Variants in KCNMA1 observed in about 807,000 individuals in gnomAD.
The protein encoded by KCNMA1 is Calcium-activated potassium channel subunit alpha-1.
Under a neutral mutation model 140.0 loss-of-function variants are expected in KCNMA1, and 29 were observed. That is an observed-to-expected ratio of 0.21 (90% confidence interval 0.15 to 0.28). The LOEUF (loss-of-function observed/expected upper bound fraction) is 0.28, where lower values mean the gene tolerates loss of function less well. Ranked by LOEUF, KCNMA1 falls within the 10% of genes least tolerant of loss-of-function variation. The probability of loss-of-function intolerance (pLI) is 1.00; values close to 1 mark genes in which losing one functional copy is unlikely to be tolerated. For synonymous variants in KCNMA1, 612 were observed against 611.9 expected, an observed-to-expected ratio of 1.00 and a Z score of 0.00; for missense variants, 880 against 1,602.2, an observed-to-expected ratio of 0.55 and a Z score of 7.70.
intron 1 of KCNMA1, chr10:77,634,859 T>C (rs2154571676): frequency 6.3e-6 from 1 of 159,760 alleles, no homozygotes; most frequent in Admixed American, 6.6e-5. Context: ...AGAAAAGCTT[T>C]TAAAAGGCCT....
At chr10:77,610,901 AT>A (rs1390727233) in intron 1 of KCNMA1, among the ~76,000 whole-genome samples, 2 of 152,256 alleles carry the variant, frequency 1.3e-5, no homozygotes, top group Non-Finnish European at 2.9e-5. Flanking sequence ...AAAAGCACTT[AT>A]TGAAAAATGC....
At chr10:77,125,539 C>T (rs918652757) in intron 5 of KCNMA1, among the ~76,000 whole-genome samples, 3 of 152,190 alleles carry the variant, frequency 2.0e-5, no homozygotes, top group African/African-American at 7.2e-5. Context: ...GCGTGACTTT[C>T]CCTGGCTACC....
intron 2 of KCNMA1, among the ~76,000 whole-genome samples, chr10:77,334,502 T>C (rs2087987465): frequency 6.6e-6 from 1 of 152,206 alleles, no homozygotes; most frequent in Admixed American, 6.5e-5. Context: ...CATCATCTTC[T>C]TCATTACCAC....
chr10:76,879,331 C>T (rs964754813), intron 29 of KCNMA1, among the ~76,000 whole-genome samples: 1 of 152,122 alleles, frequency 6.6e-6, no homozygotes, highest in African/African-American at 2.4e-5. Flanking sequence ...CCTCTTGCCT[C>T]GTTCTCCCCA....
intron 14 of KCNMA1, 105 bp from the exon 15 acceptor site, chr10:77,039,742 T>C (rs2094540297): frequency 5.4e-6 from 4 of 741,986 alleles, no homozygotes; most frequent in Non-Finnish European, 9.7e-6. Flanking sequence ...ACTGGTTAGA[T>C]AATGGTGACC....
chr10:77,177,250 C>CTTCCTTTCTTCCTTCCTTCT (rs1277107136), intron 5 of KCNMA1, among the ~76,000 whole-genome samples: 5 of 151,828 alleles, frequency 3.3e-5, no homozygotes, highest in South Asian at 4.2e-4. Context: ...TTCTTCCTTC[C>CTTCCTTTCTTCCTTCCTTCT]TTCCTTTCTT....
chr10:77,362,655 A>G (rs2094071298), intron 2 of KCNMA1, among the ~76,000 whole-genome samples: 1 of 152,116 alleles, frequency 6.6e-6, no homozygotes, highest in African/African-American at 2.4e-5. Context: ...CCCGCCGTCC[A>G]GCTCACAGGA....
chr10:77,121,673 G>T (rs2097600453), intron 5 of KCNMA1, among the ~76,000 whole-genome samples: 1 of 151,882 alleles, frequency 6.6e-6, no homozygotes, highest in South Asian at 2.1e-4. Flanking sequence ...TAAATGGTTT[G>T]TCCTTTCTAA....
intron 3 of KCNMA1, among the ~76,000 whole-genome samples, chr10:77,244,069 G>A (rs1266646026): frequency 2.6e-5 from 4 of 152,186 alleles, no homozygotes; most frequent in Non-Finnish European, 5.9e-5. Context: ...TATATACTTT[G>A]CTATTCAATG....
intron 2 of KCNMA1, among the ~76,000 whole-genome samples, chr10:77,345,618 T>G (rs868721200): frequency 2.0e-5 from 3 of 152,320 alleles, no homozygotes; most frequent in Middle Eastern, 3.4e-3. Context: ...GTGTTTTTCC[T>G]AATTAATTGG....
At chr10:77,530,886 C>T (rs746167033) in intron 1 of KCNMA1, among the ~76,000 whole-genome samples, 8 of 152,152 alleles carry the variant, frequency 5.3e-5, no homozygotes, top group South Asian at 2.1e-4. Context: ...TGTGAAATCA[C>T]GAGCTCTGAT....
intron 1 of KCNMA1, among the ~76,000 whole-genome samples, chr10:77,580,479 T>A (rs925726511): frequency 9.9e-5 from 15 of 152,134 alleles, no homozygotes; most frequent in African/African-American, 3.6e-4. Flanking sequence ...TTTCAACATA[T>A]TTCAGCAAAT....
Position 77,258,911 on chromosome 10 carries a change from C to T in KCNMA1, c.541-7655G>A, listed in dbSNP as rs59568268. 7.8e-3 allele frequency among the ~76,000 whole-genome samples: 1,189 copies of T among 152,062 alleles called. 6 individuals carry two copies. Among genetic ancestry groups the T allele is most frequent in the African/African-American group, 0.027 (1,111 of 41,474 alleles). Reference sequence around the variant, plus strand: ...CCAGGAAACGGAGGTTTCAGCAAGCCGAGATAACGCCACTGCACTGCAGCC... The same window carrying T: ...CCAGGAAACGGAGGTTTCAGCAAGCTGAGATAACGCCACTGCACTGCAGCC... On this transcript the variant is annotated intron_variant, in intron 2 of 27. Transcript: ENST00000286628.
intron 1 of KCNMA1, among the ~76,000 whole-genome samples, chr10:77,494,208 T>G (rs1388013560): frequency 6.6e-6 from 1 of 152,238 alleles, no homozygotes; most frequent in Non-Finnish European, 1.5e-5. Flanking sequence ...CCTTTGACTT[T>G]GAAAAGTGAT....
chr10:77,567,136 G>A (rs1242337978), intron 1 of KCNMA1, among the ~76,000 whole-genome samples: 1 of 152,190 alleles, frequency 6.6e-6, no homozygotes, highest in Non-Finnish European at 1.5e-5. Context: ...TGCCTGCAGA[G>A]CGATGTAACA....
At chr10:76,977,949 G>C in intron 19 of KCNMA1, 3 of 366,562 alleles carry the variant, frequency 8.2e-6, no homozygotes, top group Non-Finnish European at 1.5e-5. Flanking sequence ...CCCCGTACAA[G>C]ACAACAGATT....
At chr10:77,194,560 T>C (rs990762213) in intron 3 of KCNMA1, among the ~76,000 whole-genome samples, 6 of 152,166 alleles carry the variant, frequency 3.9e-5, no homozygotes, top group Non-Finnish European at 5.9e-5. Flanking sequence ...CTAAAACTAT[T>C]GAATCGACAG....
intron 1 of KCNMA1, among the ~76,000 whole-genome samples, chr10:77,431,109 C>A (rs1391542377): frequency 6.6e-6 from 1 of 152,184 alleles, no homozygotes; most frequent in Admixed American, 6.5e-5. Context: ...GATAAAAGAT[C>A]AATTTCCAGC....
At chr10:77,106,322 C>T (rs2097197514) in intron 9 of KCNMA1, among the ~76,000 whole-genome samples, 1 of 152,054 alleles carries the variant, frequency 6.6e-6, no homozygotes, top group Admixed American at 6.6e-5. Context: ...TAAAAGATTA[C>T]AGAGCCAGAA....
Sources: gnomAD v4.1 joint callset for allele counts (sites outside exome capture counted in the v4.1 genomes callset) on GRCh38, gnomAD v4.1.1 for gene constraint, MANE v1.5 for transcripts, NCBI Gene and HGNC (gene_info 2026-07-23, HGNC 2026-07-21) for gene names.